Variants in NRCAM observed in about 807,000 individuals in gnomAD.
The protein encoded by NRCAM is neuronal cell adhesion molecule.
In NRCAM, 83 loss-of-function variants were observed where a neutral mutation model predicts 156.5. The ratio of observed to expected loss-of-function variants is 0.53; its 90% CI spans 0.44 to 0.64. The LOEUF is 0.64. Among genes scored for constraint, NRCAM ranks in the 30% least tolerant of loss-of-function variants. The pLI, the probability that NRCAM is intolerant of heterozygous loss-of-function variation, is 0.00. For synonymous variants in NRCAM, 538 were observed against 563.9 expected (o/e 0.95, Z 0.65); for missense variants, 1,417 against 1,597.3 (o/e 0.89, Z 1.92).
intron 3 of NRCAM, among the ~76,000 whole-genome samples, chr7:108,296,706 T>C (rs148565177): frequency 2.6e-5 from 4 of 152,178 alleles, no homozygotes; most frequent in African/African-American, 9.7e-5. Flanking sequence ...GGCTTTAATG[T>C]TAGTACTACA....
rs762613782 is a variant in NRCAM, at chr7:108,225,689, T to C, written c.734A>G (p.Asn245Ser). The change falls in exon 10 of 33, where the codon AAT becomes AGT. Residue 245 changes from asparagine (N) to serine (S), a missense_variant. Asn to Ser is a conservative substitution (Grantham distance 46). Transcript: ENST00000379028. The stretch of plus-strand genomic sequence containing the variant: ...ACTCAAATTAGCAGCTATAGTGTCA[T>C]TCAATTCATCCACTGAAATAAACAG... ...SVKVISVDEL[N>S]DTIAANLSDT... The C allele has an allele frequency of 1.9e-6, 3 of 1,598,850 alleles. No homozygotes were observed. Among genetic ancestry groups the C allele is most frequent in the Middle Eastern group, 1.7e-4 (1 of 6,030 alleles).
At position 108,228,183 on chromosome 7, in the gene NRCAM, G is replaced by A. The variant is rs2193253; in HGVS notation, c.551-1805C>T. On this transcript the variant is annotated intron_variant, in intron 8 of 32. Transcript: ENST00000379028. The stretch of plus-strand genomic sequence containing the variant: ...CTAAAAATACGAAAATTAGCCAGGC[G>A]TGGTGGTTTGCACCTGTAATCTCAG... Among the ~76,000 whole-genome samples the A allele has an allele frequency of 2.5e-4, 38 of 151,926 alleles. 1 individual carries two copies. In the South Asian group the frequency reaches 6.2e-3, roughly 25 times the overall value.
chr7:108,289,028 T>C (rs2098199487), intron 3 of NRCAM, among the ~76,000 whole-genome samples: 1 of 152,056 alleles, frequency 6.6e-6, no homozygotes, highest in South Asian at 2.1e-4. Flanking sequence ...GGGCTGAAAC[T>C]TCGCTGAAAC....
At chr7:108,336,250 C>A (rs2099188630) in intron 2 of NRCAM, among the ~76,000 whole-genome samples, 4 of 152,190 alleles carry the variant, frequency 2.6e-5, no homozygotes, top group Admixed American at 2.0e-4. Context: ...CCCTTCCCGG[C>A]TGTCTAATCC....
chr7:108,257,242 G>A (rs1004739275), intron 3 of NRCAM, among the ~76,000 whole-genome samples: 2 of 152,128 alleles, frequency 1.3e-5, no homozygotes, highest in Non-Finnish European at 2.9e-5. Context: ...TTTGTCAGTC[G>A]ACAGTCATGT....
At chr7:108,421,192 G>A (rs1397763382) in intron 1 of NRCAM, among the ~76,000 whole-genome samples, 4 of 151,914 alleles carry the variant, frequency 2.6e-5, no homozygotes, top group East Asian at 3.9e-4. Flanking sequence ...TGTATAAAAC[G>A]TGTAAAACAA....
intron 2 of NRCAM, among the ~76,000 whole-genome samples, chr7:108,391,480 G>A (rs1366929590): frequency 6.6e-6 from 1 of 151,952 alleles, no homozygotes; most frequent in African/African-American, 2.4e-5. Flanking sequence ...CTGCATGTGA[G>A]ATGGGTTTCC....
intron 1 of NRCAM, among the ~76,000 whole-genome samples, chr7:108,414,626 G>A (rs1432168540): frequency 6.6e-6 from 1 of 152,136 alleles, no homozygotes; most frequent in Non-Finnish European, 1.5e-5. Flanking sequence ...GTAATTAGAG[G>A]GCAAATTGTT....
chr7:108,388,618 A>T (rs1407099404), intron 2 of NRCAM, among the ~76,000 whole-genome samples: 1 of 151,976 alleles, frequency 6.6e-6, no homozygotes, highest in African/African-American at 2.4e-5. Flanking sequence ...GGTGTTTTAG[A>T]CTTGAAGTGC....
intron 2 of NRCAM, among the ~76,000 whole-genome samples, chr7:108,332,340 C>G (rs973688673): frequency 1.1e-4 from 16 of 152,132 alleles, no homozygotes; most frequent in African/African-American, 3.9e-4. Flanking sequence ...GTATATTTTT[C>G]AATATTTCAA....
chr7:108,374,554 G>T (rs528403764), intron 2 of NRCAM, among the ~76,000 whole-genome samples: 1 of 152,190 alleles, frequency 6.6e-6, no homozygotes, highest in African/African-American at 2.4e-5. Context: ...TCATTTCTGC[G>T]TTTTCTCAAA....
chr7:108,400,264 T>C (rs970081121), intron 1 of NRCAM, among the ~76,000 whole-genome samples: 1 of 152,184 alleles, frequency 6.6e-6, no homozygotes, highest in Non-Finnish European at 1.5e-5. Flanking sequence ...ATATCTCACT[T>C]TTATGAGAGA....
At chr7:108,215,251 C>G (rs2087435173) in intron 11 of NRCAM, among the ~76,000 whole-genome samples, 1 of 139,802 alleles carries the variant, frequency 7.2e-6, no homozygotes, top group South Asian at 2.3e-4. Context: ...CTTGCTCTGT[C>G]ACCCAGGCTG....
intron 26 of NRCAM, 69 bp from the exon 27 acceptor site, chr7:108,176,675 T>C (rs1203248610): frequency 8.4e-7 from 1 of 1,186,886 alleles, no homozygotes; most frequent in African/African-American, 1.5e-5. Flanking sequence ...TATAAATAAA[T>C]ACGTCAACTA....
At chr7:108,226,460 A>T in intron 8 of NRCAM, 82 bp from the exon 9 acceptor site, 1 of 919,834 alleles carries the variant, frequency 1.1e-6, no homozygotes, top group South Asian at 1.6e-5. Context: ...TGTACCTACT[A>T]ATAGGTCTGT....
intron 32 of NRCAM, chr7:108,156,384 T>G: frequency 1.0e-6 from 1 of 984,184 alleles, no homozygotes; most frequent in Non-Finnish European, 1.2e-6. Context: ...AAAAAATACT[T>G]ACACTCTTGG....
In NRCAM at chr7:108,223,860, C is replaced by T. The variant is rs762557704; in HGVS notation, c.779-24G>A. ...AGCTGCAAACAAGAAAATCAGTATG[C>T]ATTACAACTTATAAATATGTATTTC... is the stretch of plus-strand genomic sequence containing the variant. On this transcript the variant is annotated intron_variant, in intron 10 of 32. Coordinates refer to ENST00000379028, the MANE Select transcript of NRCAM (RefSeq NM_001037132.4). 4.7e-6 allele frequency: 5 copies of T among 1,063,366 alleles called. No homozygotes were observed. The South Asian group carries it at 6.4e-5, about 14-fold the overall frequency. 65.9% of individuals were successfully genotyped at this position (1,063,366 alleles called of 1,614,324 possible).
At chr7:108,365,180 T>G (rs1563454575) in intron 2 of NRCAM, among the ~76,000 whole-genome samples, 1 of 152,200 alleles carries the variant, frequency 6.6e-6, no homozygotes, top group Admixed American at 6.5e-5. Flanking sequence ...TTATTTTATT[T>G]AATCCTTATA....
chr7:108,320,765 A>C (rs963506443), intron 2 of NRCAM, among the ~76,000 whole-genome samples: 4 of 152,346 alleles, frequency 2.6e-5, no homozygotes, highest in African/African-American at 7.2e-5. Flanking sequence ...TCTTCCCTTA[A>C]AATATGATTA....
Sources: allele counts gnomAD v4.1 joint callset (sites outside exome capture counted in the v4.1 genomes callset), GRCh38; gene constraint gnomAD v4.1.1; transcripts MANE v1.5; gene names NCBI Gene and HGNC (gene_info 2026-07-23, HGNC 2026-07-21).